DCST1: variants seen among roughly 807,000 people sequenced by gnomAD.
DCST1 encodes E3 ubiquitin-protein ligase DCST1.
A neutral mutation model predicts 89.1 loss-of-function variants in DCST1; 78 were observed. The ratio of observed to expected loss-of-function variants is 0.88; its 90% CI spans 0.73 to 1.06. The LOEUF (loss-of-function observed/expected upper bound fraction) is 1.06. Ranked by LOEUF, DCST1 falls within the 50% of genes least tolerant of loss-of-function variation. The pLI is 0.00. For missense variants in DCST1, 900 were observed against 928.6 expected (o/e 0.97, Z 0.40); for synonymous variants, 364 against 371.9 (o/e 0.98, Z 0.24).
At chr1:155,043,283 C>T in intron 9 of DCST1, 69 bp from the exon 10 acceptor site, 1 of 1,608,904 alleles carries the variant, frequency 6.2e-7, no homozygotes, top group Non-Finnish European at 8.5e-7. Context: ...GAACAGATGT[C>T]ATGAAGAGGT....
chr1:155,050,477 AG>A, intron 16 of DCST1, 139 bp from the exon 17 acceptor site: 1 of 1,195,108 alleles, frequency 8.4e-7, no homozygotes, highest in Non-Finnish European at 1.1e-6. Flanking sequence ...CTCGCCCTCC[AG>A]GGGTTTCCTT....
chr1:155,048,693 A>G (rs1046131350), intron 16 of DCST1, among the ~76,000 whole-genome samples: 1 of 152,032 alleles, frequency 6.6e-6, no homozygotes, highest in African/African-American at 2.4e-5. Flanking sequence ...CCCAGGATTC[A>G]GCCCAGCCTA....
rs765943561 is a variant in DCST1, at chr1:155,034,721, T to C, written c.256T>C (p.Leu86=). The change falls in exon 4 of 17, where the codon TTG becomes CTG. Residue 86 remains leucine, a synonymous_variant. Transcript: ENST00000295542. ...EEQKIMFLYS[L]VGLGAMGWGT... is the part of the protein sequence containing the mutation. ...ACAGAAGATTATGTTCTTGTACAGC[T>C]TGGTGGGTTAGTGCTGGGCAAAAGC... 2.5e-6 allele frequency: 4 copies of C among 1,614,138 alleles called. No individual in the cohort carries two copies. Among genetic ancestry groups the C allele is most frequent in the Non-Finnish European group, 3.4e-6 (4 of 1,180,028 alleles).
chr1:155,047,845 G>A lies in DCST1; in HGVS notation c.1671G>A (p.Pro557=), dbSNP rs761988652. The A allele has an allele frequency of 3.7e-6, 6 of 1,614,070 alleles. No homozygotes were observed. Among genetic ancestry groups the A allele is most frequent in the Non-Finnish European group, 5.1e-6 (6 of 1,180,040 alleles). Residue 557 remains proline (P), a synonymous_variant, in exon 15 of 17, where the codon CCG becomes CCA. Transcript: ENST00000295542. ...GGGCCTACTGGAGAGCTGCAGTACC[G>A]ATTGGCCTGTTAGTGTGTCTCTGCC... The part of the protein sequence containing the change: ...DARAYWRAAV[P]IGLLVCLCLL...
intron 9 of DCST1, 126 bp downstream of exon 9, chr1:155,042,982 G>C: frequency 9.0e-7 from 1 of 1,107,152 alleles, no homozygotes; most frequent in Non-Finnish European, 1.3e-6. Flanking sequence ...TGAGGGAGGG[G>C]GACAAGGAGG....
rs538277363 is a variant in DCST1 at position 155,042,202 on chromosome 1, G to A, written c.892+345G>A. The stretch of plus-strand genomic sequence containing the variant: ...CAACCTCTGCCTCCCGGGTTCAAGC[G>A]ATTCTCCTGCCTCAGCCTCCTGAGT... On this transcript the variant is annotated intron_variant, in intron 8 of 16. Coordinates refer to ENST00000295542, the MANE Select transcript of DCST1 (RefSeq NM_152494.4). Among the ~76,000 whole-genome samples the A allele has an allele frequency of 7.2e-5, 11 of 152,200 alleles. No individual in the cohort carries two copies. In the East Asian group the frequency reaches 1.5e-3, roughly 21 times the overall value.
intron 10 of DCST1, among the ~76,000 whole-genome samples, chr1:155,044,400 G>T (rs1660540255): frequency 6.6e-6 from 1 of 151,500 alleles, no homozygotes; most frequent in African/African-American, 2.4e-5. Context: ...GAGAATCACT[G>T]GGAGGTCGAA....
chr1:155,046,600 C>CATTTTTT, intron 13 of DCST1, 114 bp downstream of exon 13: 2 of 532,372 alleles, frequency 3.8e-6, no homozygotes, highest in Non-Finnish European at 5.3e-6. Context: ...CCTTCTGCCT[C>CATTTTTT]TTTTTTTTTT....
At chr1:155,046,834 G>C (rs892116882) in intron 13 of DCST1, among the ~76,000 whole-genome samples, 1 of 152,014 alleles carries the variant, frequency 6.6e-6, no homozygotes. Flanking sequence ...TCGAACTCCT[G>C]ACCTCAAGTG....
chr1:155,036,300 C>G (rs1424925761), intron 4 of DCST1, among the ~76,000 whole-genome samples: 1 of 152,216 alleles, frequency 6.6e-6, no homozygotes, highest in Non-Finnish European at 1.5e-5. Flanking sequence ...CCACTGTATT[C>G]AAACATGTTT....
chr1:155,043,283 C>A, intron 9 of DCST1, 69 bp from the exon 10 acceptor site: 1 of 1,608,904 alleles, frequency 6.2e-7, no homozygotes, highest in South Asian at 1.1e-5. Flanking sequence ...GAACAGATGT[C>A]ATGAAGAGGT....
chr1:155,042,833 T>C lies in DCST1; in HGVS notation c.991T>C (p.Phe331Leu), dbSNP rs1486754641. ...GTCTATTCGTGGCCTGGATGGGGAA[T>C]TTTCAGCCAATATTGACTTCAAGGT... ...NQSIRGLDGE[F>L]SANIDFKEEK... The change falls in exon 9 of 17, where the codon TTT becomes CTT. Residue 331 changes from phenylalanine (F) to leucine (L), a missense_variant. By Grantham distance (22) the Phe-to-Leu change is conservative (BLOSUM62 0). Transcript: ENST00000295542. The C allele has an allele frequency of 2.5e-6, 4 of 1,613,916 alleles. No individual in the cohort carries two copies. Among genetic ancestry groups the C allele is most frequent in the Non-Finnish European group, 3.4e-6 (4 of 1,180,016 alleles).
Position 155,047,787 on chromosome 1 carries a change from C to G in DCST1, c.1613C>G (p.Pro538Arg). 6.2e-7 allele frequency: 1 copy of G among 1,613,620 alleles called. No homozygotes were observed. The highest frequency in any genetic ancestry group is 8.5e-7 in the Non-Finnish European group (1 of 1,179,990). The change falls in exon 15 of 17, where the codon CCC becomes CGC. Residue 538 changes from proline (P) to arginine (R), a missense_variant and splice_region_variant. Transcript: ENST00000295542. ...SETVMESNNM[P>R]CLPQPVGLDA... ...GACCCCTGGCCTGCCCCTCCCCTAG[C>G]CTGCCTGCCCCAGCCTGTGGGCCTG... is the stretch of plus-strand genomic sequence containing the variant.
At chr1:155,046,617 T>TTTTTTTTC in intron 13 of DCST1, 131 bp downstream of exon 13, 1 of 1,264,204 alleles carries the variant, frequency 7.9e-7, no homozygotes, top group East Asian at 2.6e-5. Flanking sequence ...TTTTTTTTTT[T>TTTTTTTTC]TGAGACAAAG....
chr1:155,041,355 G>A, intron 6 of DCST1, 42 bp from the exon 7 acceptor site: 1 of 1,605,998 alleles, frequency 6.2e-7, no homozygotes, highest in Non-Finnish European at 8.5e-7. Flanking sequence ...AAGTTCTAAA[G>A]CCCCAGCCCT....
rs565487201 is a variant in DCST1, at chr1:155,046,587, C to T, written c.1495+101C>T. ...CACCCTAGTTCTTCCAACTGTGCCTCGTCCTTCTGCCTCTTTTTTTTTTTT... is the reference window on the plus strand; with the variant it reads ...CACCCTAGTTCTTCCAACTGTGCCTTGTCCTTCTGCCTCTTTTTTTTTTTT... On this transcript the variant is annotated intron_variant, in intron 13 of 16. Coordinates refer to ENST00000295542, the MANE Select transcript of DCST1 (RefSeq NM_152494.4). 6.8e-5 allele frequency: 60 copies of T among 876,154 alleles called. No individual in the cohort carries two copies. In the Admixed American group the frequency reaches 1.6e-3, roughly 23 times the overall value. 54.3% of individuals were successfully genotyped at this position (876,154 alleles called of 1,614,324 possible).
In DCST1 at chr1:155,043,461, G is replaced by C; in HGVS notation, c.1124G>C (p.Gly375Ala). 6.2e-7 allele frequency: 1 copy of C among 1,611,808 alleles called. No homozygotes were observed. Among genetic ancestry groups the C allele is most frequent in the African/African-American group, 1.3e-5 (1 of 74,984 alleles). ...GAGGCCCGGCTGGAGTGGGCCCTGG[G>C]GCTGCTGCACGTGCTGCTCTCCTGC... Reference protein sequence around the residue: ...RQEARLEWALGLLHVLLSCTF... With the variant: ...RQEARLEWALALLHVLLSCTF... The change falls in exon 10 of 17, where the codon GGG becomes GCG. Residue 375 changes from glycine (G) to alanine (A), a missense_variant. Coordinates refer to ENST00000295542, the MANE Select transcript of DCST1 (RefSeq NM_152494.4).
chr1:155,040,535 G>A lies in DCST1; in HGVS notation c.442G>A (p.Gly148Ser). ...HNLNNVIASLGCTVELQINNT... is the reference protein window; with the variant it reads ...HNLNNVIASLSCTVELQINNT... The stretch of plus-strand genomic sequence containing the variant: ...TCTCAACAACGTGATCGCATCGCTG[G>A]GCTGCACCGTGGAGCTGCAGATCAA... Residue 148 changes from glycine (G) to serine (S), a missense_variant, in exon 6 of 17, where the codon GGC (glycine) becomes AGC (serine). Transcript: ENST00000295542. The A allele has an allele frequency of 6.3e-7, 1 of 1,594,450 alleles. No individual in the cohort carries two copies.
At chr1:155,047,403 C>A in intron 14 of DCST1, 91 bp downstream of exon 14, 1 of 1,199,390 alleles carries the variant, frequency 8.3e-7, no homozygotes, top group Non-Finnish European at 1.2e-6. Context: ...GGGCCTGGGC[C>A]TTGGGTGTGG....
Sources: gnomAD v4.1 joint callset for allele counts (sites outside exome capture counted in the v4.1 genomes callset) on GRCh38, gnomAD v4.1.1 for gene constraint, MANE v1.5 for transcripts, NCBI Gene and HGNC (gene_info 2026-07-23, HGNC 2026-07-21) for gene names.